The following WWOX variants were observed in gnomAD, a reference collection of about 807,000 sequenced individuals.
The protein encoded by WWOX is WW domain containing oxidoreductase.
In WWOX, 69 loss-of-function variants were observed where a neutral mutation model predicts 46.2. The ratio of observed to expected loss-of-function variants is 1.49; its 90% CI spans 1.23 to 1.82. The LOEUF is 1.82. Among genes scored for constraint, WWOX ranks in the 40% most tolerant of loss-of-function variants. WWOX has a pLI of 0.00. For synonymous variants in WWOX, 359 were observed against 202.6 expected (o/e 1.77, Z -6.56); for missense variants, 919 against 542.6 (o/e 1.69, Z -6.89).
intron 5 of WWOX, among the ~76,000 whole-genome samples, chr16:78,299,855 A>G (rs970944188): frequency 6.6e-6 from 1 of 152,090 alleles, no homozygotes; most frequent in African/African-American, 2.4e-5. Flanking sequence ...GTCAAGCAGG[A>G]CATCAAAGTT....
At chr16:78,422,746 T>TATAC (rs1276661482) in intron 6 of WWOX, among the ~76,000 whole-genome samples, 1 of 103,612 alleles carries the variant, frequency 9.7e-6, no homozygotes, top group African/African-American at 7.3e-5. Context: ...CACATATATA[T>TATAC]ACACATATAT....
rs547885485 is a variant in WWOX at position 78,718,792 on chromosome 16, C to G, written c.1056+286040C>G. On this transcript the variant is annotated intron_variant, in intron 8 of 8. Coordinates refer to ENST00000566780, the MANE Select transcript of WWOX (RefSeq NM_016373.4). ...TAGGTGACACATATTTATTGAGACACTAATATATGCCAGGAATTATTCTAT... is the reference window on the plus strand; with the variant it reads ...TAGGTGACACATATTTATTGAGACAGTAATATATGCCAGGAATTATTCTAT... Among the ~76,000 whole-genome samples the G allele has an allele frequency of 9.9e-5, 15 of 151,926 alleles. No individual in the cohort carries two copies. The South Asian group carries it at 1.7e-3, about 17-fold the overall frequency.
At chr16:78,359,576 C>T (rs2081366009) in intron 5 of WWOX, among the ~76,000 whole-genome samples, 1 of 152,130 alleles carries the variant, frequency 6.6e-6, no homozygotes, top group Non-Finnish European at 1.5e-5. Flanking sequence ...AGTTTTTCAG[C>T]ATCTTATAGC....
chr16:79,041,089 A>G (rs16949364), intron 8 of WWOX, among the ~76,000 whole-genome samples: 16,645 of 151,956 alleles, frequency 0.11, 955 homozygotes, highest in African/African-American at 0.15. Context: ...GTCCTAATAC[A>G]TGTAATTCAT....
intron 5 of WWOX, among the ~76,000 whole-genome samples, chr16:78,360,463 TA>T (rs2081385131): frequency 6.6e-6 from 1 of 151,740 alleles, no homozygotes; most frequent in African/African-American, 2.4e-5. Context: ...CGCACACCTG[TA>T]ATCCCAGATA....
chr16:78,473,209 G>A (rs772115184), intron 8 of WWOX, among the ~76,000 whole-genome samples: 5 of 152,040 alleles, frequency 3.3e-5, no homozygotes, highest in Non-Finnish European at 5.9e-5. Flanking sequence ...TGCTCACTGC[G>A]GCCTGCATCT....
rs112202699 is a variant in WWOX, at chr16:78,915,045, C to G, written c.1057-296563C>G. 3.4e-4 allele frequency among the ~76,000 whole-genome samples: 52 copies of G among 152,178 alleles called. 2 individuals carry two copies. The highest frequency in any genetic ancestry group is 1.2e-3 in the African/African-American group (50 of 41,518). ...ATAGAAAATGATCACTTAGCCTGAT[C>G]CACAAGTTCAGGAAAGGGCTCTGAG... On this transcript the variant is annotated intron_variant, in intron 8 of 8. Coordinates refer to ENST00000566780, the MANE Select transcript of WWOX (RefSeq NM_016373.4).
chr16:78,738,701 G>A (rs751110324), intron 8 of WWOX, among the ~76,000 whole-genome samples: 2 of 152,094 alleles, frequency 1.3e-5, no homozygotes, highest in Non-Finnish European at 2.9e-5. Context: ...TGTAGGAGAC[G>A]GGTCGGGGAG....
rs529298788 is a variant in WWOX at position 79,146,741 on chromosome 16, C to G, written c.1057-64867C>G. ...AATTAGGTGGTCAGAAAGGTGTGGT[C>G]CTCGCCTTCAAGGAGCTTACATTCT... On this transcript the variant is annotated intron_variant, in intron 8 of 8. Transcript: ENST00000566780. 2.0e-4 allele frequency among the ~76,000 whole-genome samples: 31 copies of G among 152,136 alleles called. No homozygotes were observed. In the South Asian group the frequency reaches 6.2e-3, roughly 31 times the overall value.
At chr16:78,688,855 C>A (rs770986433) in intron 8 of WWOX, among the ~76,000 whole-genome samples, 1 of 152,116 alleles carries the variant, frequency 6.6e-6, no homozygotes. Flanking sequence ...GCAGTTACCC[C>A]CATGATGTTT....
At chr16:78,110,210 C>T (rs929373950) in intron 3 of WWOX, among the ~76,000 whole-genome samples, 2 of 151,846 alleles carry the variant, frequency 1.3e-5, no homozygotes, top group African/African-American at 4.8e-5. Flanking sequence ...TGTGGTGGCA[C>T]GTGCCTGTGG....
intron 8 of WWOX, among the ~76,000 whole-genome samples, chr16:78,566,026 G>C (rs1487639074): frequency 6.6e-6 from 1 of 151,986 alleles, no homozygotes; most frequent in East Asian, 1.9e-4. Context: ...ATTCCTCACA[G>C]TCTAGAGGCT....
At chr16:78,988,340 G>A (rs1376271366) in intron 8 of WWOX, among the ~76,000 whole-genome samples, 10 of 117,460 alleles carry the variant, frequency 8.5e-5, no homozygotes, top group African/African-American at 3.1e-4. Context: ...GCAAAACTCT[G>A]TCTCAAAAAA....
At chr16:78,942,360 C>A (rs1390908410) in intron 8 of WWOX, among the ~76,000 whole-genome samples, 1 of 152,092 alleles carries the variant, frequency 6.6e-6, no homozygotes, top group African/African-American at 2.4e-5. Context: ...TCTAGCGCAG[C>A]CTACCCCTTG....
At chr16:78,992,644 T>C (rs951614421) in intron 8 of WWOX, among the ~76,000 whole-genome samples, 1 of 152,168 alleles carries the variant, frequency 6.6e-6, no homozygotes, top group Non-Finnish European at 1.5e-5. Context: ...CCCATCTTAA[T>C]GTCTGTTGTG....
At chr16:78,303,838 C>T (rs2080086263) in intron 5 of WWOX, among the ~76,000 whole-genome samples, 1 of 152,180 alleles carries the variant, frequency 6.6e-6, no homozygotes, top group African/African-American at 2.4e-5. Context: ...AGCCACCGTG[C>T]CCGGCCAGAC....
chr16:78,898,887 T>G (rs1312199136), intron 8 of WWOX: 1 of 152,258 alleles, frequency 6.6e-6, no homozygotes, highest in South Asian at 2.1e-4. Flanking sequence ...GTAAATGGCA[T>G]TATAAAATTT....
chr16:78,436,351 C>A (rs950452823), intron 8 of WWOX, among the ~76,000 whole-genome samples: 1 of 152,164 alleles, frequency 6.6e-6, no homozygotes, highest in Admixed American at 6.5e-5. Context: ...TGATCTCCAA[C>A]CTGCACGTCT....
At chr16:78,678,111 A>T (rs2047647029) in intron 8 of WWOX, among the ~76,000 whole-genome samples, 1 of 151,964 alleles carries the variant, frequency 6.6e-6, no homozygotes, top group Non-Finnish European at 1.5e-5. Context: ...CCCCCTCCCC[A>T]CTGGAGAGTG....
Sources: allele counts gnomAD v4.1 joint callset (sites outside exome capture counted in the v4.1 genomes callset), GRCh38; gene constraint gnomAD v4.1.1; transcripts MANE v1.5; gene names NCBI Gene and HGNC (gene_info 2026-07-23, HGNC 2026-07-21).